Variants in SHROOM1 observed in about 807,000 individuals in gnomAD.
SHROOM1 encodes shroom family member 1, also known as protein Shroom1.
SHROOM1 carries 53 observed loss-of-function variants against 64.2 expected under a neutral mutation model. The observed-to-expected ratio is 0.83, with a 90% CI of 0.66 to 1.04. The LOEUF is 1.04. SHROOM1 is among the 50% of genes least tolerant of loss of function. SHROOM1 has a pLI of 0.00. For synonymous variants in SHROOM1, 490 were observed against 518.9 expected (o/e 0.94, Z 0.76); for missense variants, 1,179 against 1,163.2 (o/e 1.01, Z -0.20).
In SHROOM1 at chr5:132,823,718, C is replaced by G; in HGVS notation, c.1858G>C (p.Glu620Gln). The change falls in exon 8 of 10, where the codon GAG becomes CAG. Residue 620 changes from glutamate (E) to glutamine (Q), a missense_variant. Glu to Gln is a conservative substitution (Grantham distance 29). Coordinates refer to ENST00000378679, the MANE Select transcript of SHROOM1 (RefSeq NM_001172700.2). This position sits in a 1 kb window ranked among gnomAD's most constrained non-coding sequence, Gnocchi z 4.6. Reference protein sequence around the residue: ...FTQLLPAPREETRLENPATHP... With the variant: ...FTQLLPAPREQTRLENPATHP... ...GTGGCAGGGTTTTCAAGCCTTGTCT[C>G]CTCCCGAGGAGCCGGCAGGAGCTGG... The G allele has an allele frequency of 6.2e-7, 1 of 1,610,558 alleles. No individual in the cohort carries two copies. Among genetic ancestry groups the G allele is most frequent in the Non-Finnish European group, 8.5e-7 (1 of 1,178,506 alleles).
At position 132,822,609 on chromosome 5, in the gene SHROOM1, C is replaced by T. The variant is rs556182770; in HGVS notation, c.*187G>A. On this transcript the variant is annotated 3_prime_UTR_variant, in exon 10 of 10. Transcript: ENST00000378679. ...CGATCTCCTGACCTTGTGATCCGCC[C>T]GCCTCGGCCTCCCAAAGTGCTGGGA... 4 of 605,458 alleles carry T rather than the reference C, an allele frequency of 6.6e-6. No homozygotes were observed. The highest frequency in any genetic ancestry group is 5.7e-5 in the African/African-American group (3 of 52,968). The allele number at this position is 605,458 out of a possible 1,614,324, so 37.5% of individuals were successfully genotyped here.
rs1482133638 is a variant in SHROOM1 at position 132,830,243 on chromosome 5, T to A, written c.-501+351A>T. The A allele has an allele frequency of 1.0e-6, 1 of 985,138 alleles. No individual in the cohort carries two copies. Among genetic ancestry groups the A allele is most frequent in the Non-Finnish European group, 1.2e-6 (1 of 829,870 alleles). The allele number at this position is 985,138 out of a possible 1,614,324, so 61.0% of individuals were successfully genotyped here. On this transcript the variant is annotated intron_variant, in intron 1 of 9. Transcript: ENST00000378679. This position sits in a 1 kb window ranked among gnomAD's most constrained non-coding sequence, Gnocchi z 5.9. ...GAGGGAAGGACCCGGCTTCTCCAGA[T>A]GCTTGGCGACAAAGGGCAGGAGCGG...
chr5:132,825,772 C>T lies in SHROOM1; in HGVS notation c.369G>A (p.Glu123=). ...GCGGCTCGGCAGCCTGCGCCGCGGC[C>T]TCCGCCTCGGCCGCCAGCGCGTACA... ...PLLYALAAEA[E]AAAQAAEPPS... The change falls in exon 4 of 10, where the codon GAG becomes GAA. Residue 123 remains glutamate (E), a synonymous_variant. Transcript: ENST00000378679. This position sits in a 1 kb window ranked among gnomAD's most constrained non-coding sequence, Gnocchi z 5.1. 8.0e-7 allele frequency: 1 copy of T among 1,242,306 alleles called. No homozygotes were observed. 77.0% of individuals were successfully genotyped at this position (1,242,306 alleles called of 1,614,324 possible).
chr5:132,830,607 C>G lies in SHROOM1; in HGVS notation c.-514G>C, dbSNP rs1271433781. On this transcript the variant is annotated 5_prime_UTR_variant, in exon 1 of 10. Coordinates refer to ENST00000378679, the MANE Select transcript of SHROOM1 (RefSeq NM_001172700.2). The surrounding 1 kb of genome is among the most constrained non-coding windows in gnomAD (Gnocchi z 5.9). ...CCCGCCGCGTACCTGAGGCTCCCGC[C>G]GAGACGCGCTCCTGGGCCGTCGCAG... 1 of 985,444 alleles carries G rather than the reference C, an allele frequency of 1.0e-6. No individual in the cohort carries two copies. The highest frequency in any genetic ancestry group is 1.2e-6 in the Non-Finnish European group (1 of 829,886). 61.0% of individuals were successfully genotyped at this position (985,444 alleles called of 1,614,324 possible). A position where few individuals can be genotyped will look rare whatever the true frequency, so the allele number is the denominator to read the frequency against.
chr5:132,826,111 G>T lies in SHROOM1; in HGVS notation c.30C>A (p.Arg10=), dbSNP rs751247751. The T allele has an allele frequency of 2.1e-5, 30 of 1,396,076 alleles. No individual in the cohort carries two copies. Among genetic ancestry groups the T allele is most frequent in the Non-Finnish European group, 2.6e-5 (28 of 1,074,812 alleles). 86.5% of individuals were successfully genotyped at this position (1,396,076 alleles called of 1,614,324 possible). The change falls in exon 4 of 10, where the codon CGC becomes CGA. Residue 10 remains arginine (R), a synonymous_variant. Transcript: ENST00000378679. ...TGCTAGTGGACGAGGCCGGGGAGGCGCGGTCGCCCCCAGGTCCCAGGGCCT... is the reference window on the plus strand; with the variant it reads ...TGCTAGTGGACGAGGCCGGGGAGGCTCGGTCGCCCCCAGGTCCCAGGGCCT... MEALGPGGD[R]ASPASSTSSL...
In SHROOM1 at chr5:132,826,039, G is replaced by A. The variant is rs748567697; in HGVS notation, c.102C>T (p.Ser34=). The change falls in exon 4 of 10, where the codon AGC becomes AGT. Residue 34 remains serine, a synonymous_variant. Transcript: ENST00000378679. Reference sequence around the variant, plus strand: ...GGCCGCCGGAGGCTGCGGAGAAAGAGCTGTAGGCCGAGTCCGCGCGCATGG... The same window carrying A: ...GGCCGCCGGAGGCTGCGGAGAAAGAACTGTAGGCCGAGTCCGCGCGCATGG... ...HLSMRADSAY[S]SFSAASGGPE... 6.6e-7 allele frequency: 1 copy of A among 1,523,154 alleles called. No homozygotes were observed. Among genetic ancestry groups the A allele is most frequent in the South Asian group, 1.3e-5 (1 of 79,564 alleles). The allele number at this position is 1,523,154 out of a possible 1,614,324, so 94.4% of individuals were successfully genotyped here. A position where few individuals can be genotyped will look rare whatever the true frequency, so the allele number is the denominator to read the frequency against.
At position 132,823,991 on chromosome 5, in the gene SHROOM1, C is replaced by T. The variant is rs1256363608; in HGVS notation, c.1670G>A (p.Cys557Tyr). Residue 557 changes from cysteine (C) to tyrosine (Y), a missense_variant, in exon 7 of 10, where the codon TGT becomes TAT. Transcript: ENST00000378679. This position sits in a 1 kb window ranked among gnomAD's most constrained non-coding sequence, Gnocchi z 4.6. Reference sequence around the variant, plus strand: ...GCTGGGCTGGGAAGCAAGAGGGTCACATAGAGAGGGATCTAATCTGGCCAG... The same window carrying T: ...GCTGGGCTGGGAAGCAAGAGGGTCATATAGAGAGGGATCTAATCTGGCCAG... The part of the protein sequence containing the change: ...QELARLDPSL[C>Y]DPLASQPSPE... 6.2e-7 allele frequency: 1 copy of T among 1,606,178 alleles called. No homozygotes were observed.
intron 5 of SHROOM1, 64 bp from the exon 6 acceptor site, chr5:132,824,885 G>C: frequency 6.2e-7 from 1 of 1,603,128 alleles, no homozygotes. Context: ...TTGCACCAGG[G>C]AGACAGTAGG....
chr5:132,825,168 C>A lies in SHROOM1; in HGVS notation c.973G>T (p.Val325Phe), dbSNP rs1406863187. 1 of 1,614,072 alleles carries A rather than the reference C, an allele frequency of 6.2e-7. No homozygotes were observed. Among genetic ancestry groups the A allele is most frequent in the Non-Finnish European group, 8.5e-7 (1 of 1,180,046 alleles). Residue 325 changes from valine (V) to phenylalanine (F), a missense_variant, in exon 4 of 10, where the codon GTC becomes TTC. Coordinates refer to ENST00000378679, the MANE Select transcript of SHROOM1 (RefSeq NM_001172700.2). This position sits in a 1 kb window ranked among gnomAD's most constrained non-coding sequence, Gnocchi z 5.1. ...GCATCTCCTGACTTCCATACCTGGA[C>A]AATGGGTATGGTCCCTCCTGATCCT... is the stretch of plus-strand genomic sequence containing the variant. Reference protein sequence around the residue: ...WGGSGGTIPIVQAVPQGAETP... With the variant: ...WGGSGGTIPIFQAVPQGAETP...
In SHROOM1 at chr5:132,825,625, C is replaced by T; in HGVS notation, c.516G>A (p.Arg172=). The change falls in exon 4 of 10, where the codon CGG becomes CGA. Residue 172 remains arginine, a synonymous_variant. Coordinates refer to ENST00000378679, the MANE Select transcript of SHROOM1 (RefSeq NM_001172700.2). This position sits in a 1 kb window ranked among gnomAD's most constrained non-coding sequence, Gnocchi z 5.1. ...ELRMSLPARL[R]PTVPARPPAT... ...CCGGGGGCCGCGCTGGGACAGTGGG[C>T]CGCAGACGGGCGGGCAGGCTCATGC... 1 of 1,347,780 alleles carries T rather than the reference C, an allele frequency of 7.4e-7. No individual in the cohort carries two copies. The highest frequency in any genetic ancestry group is 9.5e-7 in the Non-Finnish European group (1 of 1,056,784). 83.5% of individuals were successfully genotyped at this position (1,347,780 alleles called of 1,614,324 possible). A position where few individuals can be genotyped will look rare whatever the true frequency, so the allele number is the denominator to read the frequency against.
Position 132,825,630 on chromosome 5 carries a change from G to A in SHROOM1, c.511C>T (p.Leu171=). 1 of 1,346,510 alleles carries A rather than the reference G, an allele frequency of 7.4e-7. No homozygotes were observed. Among genetic ancestry groups the A allele is most frequent in the Non-Finnish European group, 9.5e-7 (1 of 1,055,968 alleles). 83.4% of individuals were successfully genotyped at this position (1,346,510 alleles called of 1,614,324 possible). A position where few individuals can be genotyped will look rare whatever the true frequency, so the allele number is the denominator to read the frequency against. The change falls in exon 4 of 10, where the codon CTG becomes TTG. Residue 171 remains leucine (L), a synonymous_variant. Coordinates refer to ENST00000378679, the MANE Select transcript of SHROOM1 (RefSeq NM_001172700.2). The surrounding 1 kb of genome is among the most constrained non-coding windows in gnomAD (Gnocchi z 5.1). ...KELRMSLPAR[L]RPTVPARPPA... ...GGCCGCGCTGGGACAGTGGGCCGCA[G>A]ACGGGCGGGCAGGCTCATGCGGAGC... is the stretch of plus-strand genomic sequence containing the variant.
At position 132,823,733 on chromosome 5, in the gene SHROOM1, G is replaced by C. The variant is rs1388293200; in HGVS notation, c.1843C>G (p.Pro615Ala). 1 of 1,605,420 alleles carries C rather than the reference G, an allele frequency of 6.2e-7. No homozygotes were observed. Among genetic ancestry groups the C allele is most frequent in the African/African-American group, 1.3e-5 (1 of 74,634 alleles). Reference protein sequence around the residue: ...SYQFSFTQLLPAPREETRLEN... With the variant: ...SYQFSFTQLLAAPREETRLEN... ...AGCCTTGTCTCCTCCCGAGGAGCCGGCAGGAGCTGGGTGAAGCTGAACTGA... is the reference window on the plus strand; with the variant it reads ...AGCCTTGTCTCCTCCCGAGGAGCCGCCAGGAGCTGGGTGAAGCTGAACTGA... Residue 615 changes from proline (P) to alanine (A), a missense_variant, in exon 8 of 10, where the codon CCG becomes GCG. Physicochemically the swap from Pro to Ala is conservative, Grantham distance 27. Transcript: ENST00000378679. The surrounding 1 kb of genome is among the most constrained non-coding windows in gnomAD (Gnocchi z 4.6).
Position 132,830,518 on chromosome 5 carries a change from G to T in SHROOM1, c.-501+76C>A, listed in dbSNP as rs1326528669. 16 of 985,014 alleles carry T rather than the reference G, an allele frequency of 1.6e-5. No homozygotes were observed. Among genetic ancestry groups the T allele is most frequent in the Non-Finnish European group, 1.8e-5 (15 of 829,598 alleles). The allele number at this position is 985,014 out of a possible 1,614,324, so 61.0% of individuals were successfully genotyped here. On this transcript the variant is annotated intron_variant, in intron 1 of 9. Transcript: ENST00000378679. The surrounding 1 kb of genome is among the most constrained non-coding windows in gnomAD (Gnocchi z 5.9). ...CGCCGCCCGCTCTTCACCCCCGTCC[G>T]CCCGCAGCCCCGCCGGCCTCCCGGG...
At position 132,823,413 on chromosome 5, in the gene SHROOM1, G is replaced by C. The variant is rs1006721784; in HGVS notation, c.2063C>G (p.Ala688Gly). 6.2e-7 allele frequency: 1 copy of C among 1,611,224 alleles called. No homozygotes were observed. The highest frequency in any genetic ancestry group is 1.7e-5 in the Admixed American group (1 of 59,980). Residue 688 changes from alanine to glycine, a missense_variant, in exon 9 of 10, where the codon GCT becomes GGT. Physicochemically the swap from Ala to Gly is moderately conservative, Grantham distance 60. Coordinates refer to ENST00000378679, the MANE Select transcript of SHROOM1 (RefSeq NM_001172700.2). This position sits in a 1 kb window ranked among gnomAD's most constrained non-coding sequence, Gnocchi z 4.6. Reference protein sequence around the residue: ...AWARRQAALEAAVRQACAPQE... With the variant: ...AWARRQAALEGAVRQACAPQE... ...AGGGGCACAGGCCTGGCGCACTGCAGCCTCCAGAGCCGCTTGGCGCCTGGC... is the reference window on the plus strand; with the variant it reads ...AGGGGCACAGGCCTGGCGCACTGCACCCTCCAGAGCCGCTTGGCGCCTGGC...
intron 1 of SHROOM1, among the ~76,000 whole-genome samples, chr5:132,827,987 G>A (rs1243708232): frequency 1.3e-5 from 2 of 152,130 alleles, no homozygotes; most frequent in African/African-American, 2.4e-5. Context: ...TGAGGCTTGG[G>A]AAAGGGCAGT....
Position 132,825,521 on chromosome 5 carries a change from C to G in SHROOM1, c.620G>C (p.Gly207Ala). 1 of 1,472,654 alleles carries G rather than the reference C, an allele frequency of 6.8e-7. No homozygotes were observed. The highest frequency in any genetic ancestry group is 1.4e-5 in the African/African-American group (1 of 69,398). 91.2% of individuals were successfully genotyped at this position (1,472,654 alleles called of 1,614,324 possible). A position where few individuals can be genotyped will look rare whatever the true frequency, so the allele number is the denominator to read the frequency against. The change falls in exon 4 of 10, where the codon GGA (glycine) becomes GCA (alanine). Residue 207 changes from glycine (G) to alanine (A), a missense_variant. By Grantham distance (60) the Gly-to-Ala change is moderately conservative (BLOSUM62 0). Transcript: ENST00000378679. The surrounding 1 kb of genome is among the most constrained non-coding windows in gnomAD (Gnocchi z 5.1). ...GGCGAGGGGACCCCGGCCGGCAGTT[C>G]CTGGCGCGGGAGCCCGGGAGCGCGC... ...EPARSRAPAPGTAGRGPLANQ... is the reference protein window; with the variant it reads ...EPARSRAPAPATAGRGPLANQ...
At position 132,823,344 on chromosome 5, in the gene SHROOM1, C is replaced by G; in HGVS notation, c.2132G>C (p.Arg711Pro). 1 of 1,606,508 alleles carries G rather than the reference C, an allele frequency of 6.2e-7. No individual in the cohort carries two copies. The highest frequency in any genetic ancestry group is 2.2e-5 in the East Asian group (1 of 44,872). ...CAGCAGCAGCAGAAGGCCAAGCACG[C>G]GCTCTAGGTCGGCCATGAACCGGCT... is the stretch of plus-strand genomic sequence containing the variant. ...RFSRFMADLE[R>P]VLGLLLLLGS... The change falls in exon 9 of 10, where the codon CGC becomes CCC. Residue 711 changes from arginine to proline, a missense_variant. Physicochemically the swap from Arg to Pro is moderately radical, Grantham distance 103. Coordinates refer to ENST00000378679, the MANE Select transcript of SHROOM1 (RefSeq NM_001172700.2). This position sits in a 1 kb window ranked among gnomAD's most constrained non-coding sequence, Gnocchi z 4.6.
intron 1 of SHROOM1, among the ~76,000 whole-genome samples, chr5:132,827,902 A>G (rs1758752716): frequency 6.6e-6 from 1 of 152,148 alleles, no homozygotes; most frequent in African/African-American, 2.4e-5. Context: ...CCAGAAATCA[A>G]TCCCTTCTGG....
Position 132,826,008 on chromosome 5 carries a change from G to A in SHROOM1, c.133C>T (p.Pro45Ser). The change falls in exon 4 of 10, where the codon CCG (proline) becomes TCG (serine). Residue 45 changes from proline (P) to serine (S), a missense_variant. Physicochemically the swap from Pro to Ser is moderately conservative, Grantham distance 74. Transcript: ENST00000378679. ...SFSAASGGPE[P>S]RTQSPGTDLL... ...TCTGTCCCCGGCGACTGCGTGCGCGGCTCGGGGCCGCCGGAGGCTGCGGAG... is the reference window on the plus strand; with the variant it reads ...TCTGTCCCCGGCGACTGCGTGCGCGACTCGGGGCCGCCGGAGGCTGCGGAG... 6.5e-7 allele frequency: 1 copy of A among 1,531,526 alleles called. No individual in the cohort carries two copies. The highest frequency in any genetic ancestry group is 8.8e-7 in the Non-Finnish European group (1 of 1,139,960). The allele number at this position is 1,531,526 out of a possible 1,614,324, so 94.9% of individuals were successfully genotyped here.
Sources: gnomAD v4.1 joint callset for allele counts (sites outside exome capture counted in the v4.1 genomes callset) on GRCh38, gnomAD v4.1.1 for gene constraint, Gnocchi (gnomAD v3.1) non-coding constraint, MANE v1.5 for transcripts, NCBI Gene and HGNC (gene_info 2026-07-23, HGNC 2026-07-21) for gene names.